The following ZNF614 variants were observed in gnomAD, a reference collection of about 807,000 sequenced individuals.
The protein encoded by ZNF614 is zinc finger protein 614.
Under a neutral mutation model 12.8 loss-of-function variants are expected in ZNF614, and 11 were observed. The ratio of observed to expected loss-of-function variants is 0.86; its 90% CI spans 0.54 to 1.43. The LOEUF (loss-of-function observed/expected upper bound fraction) is 1.43, where lower values mean the gene tolerates loss of function less well. ZNF614 is among the 40% of genes most tolerant of loss of function. The pLI is 0.00. For missense variants in ZNF614, 664 were observed against 708.8 expected, an observed-to-expected ratio of 0.94 and a Z score of 0.72; for synonymous variants, 237 against 237.5, an observed-to-expected ratio of 1.00 and a Z score of 0.02.
At chr19:52,026,620 G>A (rs199679869) in intron 1 of ZNF614, among the ~76,000 whole-genome samples, 22 of 152,246 alleles carry the variant, frequency 1.4e-4, no homozygotes, top group South Asian at 8.3e-4. Flanking sequence ...CCCCTACCCC[G>A]ACACCTGTAA....
At chr19:52,025,477 C>G (rs1600040207) in intron 2 of ZNF614, among the ~76,000 whole-genome samples, 1 of 152,214 alleles carries the variant, frequency 6.6e-6, no homozygotes, top group Non-Finnish European at 1.5e-5. Flanking sequence ...GTGTGCACCA[C>G]CACACCCAGC....
At chr19:52,027,090 T>C (rs1297800346) in intron 1 of ZNF614, among the ~76,000 whole-genome samples, 3 of 152,242 alleles carry the variant, frequency 2.0e-5, no homozygotes, top group Non-Finnish European at 4.4e-5. Flanking sequence ...CTCTATACTT[T>C]GTCTCTTATT....
At chr19:52,023,197 A>C (rs1445102363) in intron 2 of ZNF614, among the ~76,000 whole-genome samples, 4 of 148,272 alleles carry the variant, frequency 2.7e-5, no homozygotes, top group East Asian at 4.1e-4. Context: ...GAGATGGAGT[A>C]TCGCTCTGTC....
At position 52,018,408 on chromosome 19, in the gene ZNF614, C is replaced by T. The variant is rs747725576; in HGVS notation, c.102G>A (p.Arg34=). Residue 34 remains arginine, a synonymous_variant, in exon 3 of 5, where the codon CGG becomes CGA. Coordinates refer to ENST00000270649, the MANE Select transcript of ZNF614 (RefSeq NM_025040.4). The stretch of plus-strand genomic sequence containing the variant: ...GGTTATAGTTCTCCACCATCACATC[C>T]CGGTACAGGTTCTTCTGAGCAGTGT... ...LLDTAQKNLY[R]DVMVENYNHL... 1.2e-6 allele frequency: 2 copies of T among 1,614,096 alleles called. No individual in the cohort carries two copies. The highest frequency in any genetic ancestry group is 1.3e-5 in the African/African-American group (1 of 75,000).
At position 52,018,101 on chromosome 19, in the gene ZNF614, AC is replaced by A; in HGVS notation, c.144del (p.Tyr49IlefsTer50). On this transcript the variant is annotated frameshift_variant and splice_region_variant, in exon 4 of 5. Transcript: ENST00000270649. LOFTEE classifies it high-confidence loss of function. The part of the protein sequence containing the change: ...VENYNHLVSL[G>X]YQTSKPDVLS... ...AGTACATCTGGTTTGCTAGTTTGAT[AC>A]CCTGTTCATGAGGAAAGACAAACAC... The A allele has an allele frequency of 2.5e-6, 4 of 1,613,696 alleles. No individual in the cohort carries two copies. Among genetic ancestry groups the A allele is most frequent in the Non-Finnish European group, 3.4e-6 (4 of 1,179,674 alleles).
At chr19:52,026,202 G>A (rs562072925) in intron 1 of ZNF614, among the ~76,000 whole-genome samples, 3 of 152,350 alleles carry the variant, frequency 2.0e-5, no homozygotes, top group South Asian at 2.1e-4. Flanking sequence ...TGCCTCAGAG[G>A]CAGGTGTCTG....
chr19:52,015,463 T>TA lies in ZNF614; in HGVS notation c.*376dup, dbSNP rs1307616279. 1.2e-5 allele frequency: 2 copies of TA among 162,282 alleles called. No homozygotes were observed. Among genetic ancestry groups the TA allele is most frequent in the African/African-American group, 4.8e-5 (2 of 41,640 alleles). 10.1% of individuals were successfully genotyped at this position (162,282 alleles called of 1,614,324 possible). Reference sequence around the variant, plus strand: ...TGAAATCTATGATGAAACCTGATAATAAAGTCTATCTTTCCACAGAAGACT... The same window carrying TA: ...TGAAATCTATGATGAAACCTGATAATAAAAGTCTATCTTTCCACAGAAGACT... On this transcript the variant is annotated 3_prime_UTR_variant, in exon 5 of 5. Coordinates refer to ENST00000270649, the MANE Select transcript of ZNF614 (RefSeq NM_025040.4).
Position 52,016,309 on chromosome 19 carries a change from T to C in ZNF614, c.1289A>G (p.Asn430Ser), listed in dbSNP as rs867328534. The C allele has an allele frequency of 6.2e-7, 1 of 1,613,826 alleles. No homozygotes were observed. Among genetic ancestry groups the C allele is most frequent in the South Asian group, 1.1e-5 (1 of 91,052 alleles). Residue 430 changes from asparagine to serine, a missense_variant, in exon 5 of 5, where the codon AAT becomes AGT. Physicochemically the swap from Asn to Ser is conservative, Grantham distance 46. Coordinates refer to ENST00000270649, the MANE Select transcript of ZNF614 (RefSeq NM_025040.4). The stretch of plus-strand genomic sequence containing the variant: ...TGTGGTGAAGCCTTTACCACATTCA[T>C]TGCATATGTAAGATTTCTCTCCTGT... ...THTGEKSYIC[N>S]ECGKGFTTKR...
In ZNF614 at chr19:52,014,484, T is replaced by C. The variant is rs73576927; in HGVS notation, c.*1356A>G. The C allele has an allele frequency of 0.093, 14,225 of 152,210 alleles. 2,113 individuals are homozygous for C. The highest frequency in any genetic ancestry group is 0.32 in the African/African-American group (13,084 of 41,460). The allele number at this position is 152,210 out of a possible 1,614,324, so 9.4% of individuals were successfully genotyped here. A position where few individuals can be genotyped will look rare whatever the true frequency, so the allele number is the denominator to read the frequency against. On this transcript the variant is annotated 3_prime_UTR_variant, in exon 5 of 5. Coordinates refer to ENST00000270649, the MANE Select transcript of ZNF614 (RefSeq NM_025040.4). ...AAATTCCGAGTTCCCACTGCCCTAC[T>C]CAGGTTTGATAATTTGCTACAGGGC...
Position 52,013,589 on chromosome 19 carries a change from T to C in ZNF614, c.*2251A>G, listed in dbSNP as rs2123113293. ...TATCAATAAAAATTCATATAACTTA[T>C]TTATATAAAATTTATAAAAACCATT... is the stretch of plus-strand genomic sequence containing the variant. On this transcript the variant is annotated 3_prime_UTR_variant, in exon 5 of 5. Transcript: ENST00000270649. 1 of 152,240 alleles carries C rather than the reference T, an allele frequency of 6.6e-6. No individual in the cohort carries two copies. The highest frequency in any genetic ancestry group is 1.9e-4 in the East Asian group (1 of 5,190). The allele number at this position is 152,240 out of a possible 1,614,324, so 9.4% of individuals were successfully genotyped here.
rs200985913 is a variant in ZNF614, at chr19:52,016,140, G to A, written c.1458C>T (p.Thr486=). The change falls in exon 5 of 5, where the codon ACC becomes ACT. Residue 486 remains threonine (T), a synonymous_variant. Coordinates refer to ENST00000270649, the MANE Select transcript of ZNF614 (RefSeq NM_025040.4). The stretch of plus-strand genomic sequence containing the variant: ...TGTGTGAATAGGATTTTCCGCACTC[G>A]GTACATACAAAGGGAGTCTTTCCTG... ...CHTGKTPFVC[T]ECGKSYSHKY... 21 of 1,613,930 alleles carry A rather than the reference G, an allele frequency of 1.3e-5. No homozygotes were observed. Among genetic ancestry groups the A allele is most frequent in the African/African-American group, 8.0e-5 (6 of 74,850 alleles).
At chr19:52,028,098 C>G (rs1600041692) in intron 1 of ZNF614, 144 bp downstream of exon 1, 2 of 152,506 alleles carry the variant, frequency 1.3e-5, no homozygotes, top group East Asian at 3.9e-4. Flanking sequence ...TCCTCAGACT[C>G]TTCATCCCTA....
chr19:52,015,981 A>G lies in ZNF614; in HGVS notation c.1617T>C (p.Tyr539=). 1 of 1,614,208 alleles carries G rather than the reference A, an allele frequency of 6.2e-7. No homozygotes were observed. Among genetic ancestry groups the G allele is most frequent in the South Asian group, 1.1e-5 (1 of 91,086 alleles). The part of the protein sequence containing the change: ...HQRTHTGERP[Y]GCSDCEKAFS... The stretch of plus-strand genomic sequence containing the variant: ...AGGCTTTCTCACAATCACTGCATCC[A>G]TACGGCCTCTCTCCTGTATGCGTTC... The change falls in exon 5 of 5, where the codon TAT becomes TAC. Residue 539 remains tyrosine, a synonymous_variant. Transcript: ENST00000270649.
At chr19:52,021,427 T>C (rs1037466535) in intron 2 of ZNF614, among the ~76,000 whole-genome samples, 4 of 152,166 alleles carry the variant, frequency 2.6e-5, no homozygotes, top group South Asian at 2.1e-4. Flanking sequence ...TAGGTATTAA[T>C]AGACAATGAA....
intron 2 of ZNF614, among the ~76,000 whole-genome samples, chr19:52,021,092 T>C (rs1318896118): frequency 6.6e-6 from 1 of 152,168 alleles, no homozygotes; most frequent in Non-Finnish European, 1.5e-5. Flanking sequence ...ATTTGGCACA[T>C]AGGGGAGGTG....
rs1303479820 is a variant in ZNF614, at chr19:52,017,202, C to T, written c.396G>A (p.Leu132=). 6.2e-7 allele frequency: 1 copy of T among 1,614,124 alleles called. No homozygotes were observed. Among genetic ancestry groups the T allele is most frequent in the Admixed American group, 1.7e-5 (1 of 60,020 alleles). ...PIVQNHDTFD[L]YRKNLKSSLS... ...AACTTGATTTCAAATTTTTTCTGTA[C>T]AAGTCAAATGTATCATGATTTTGCA... Residue 132 remains leucine (L), a synonymous_variant, in exon 5 of 5, where the codon TTG becomes TTA. Coordinates refer to ENST00000270649, the MANE Select transcript of ZNF614 (RefSeq NM_025040.4).
chr19:52,014,584 G>T lies in ZNF614; in HGVS notation c.*1256C>A, dbSNP rs2086885384. The T allele has an allele frequency of 6.6e-6, 1 of 152,170 alleles. No individual in the cohort carries two copies. Among genetic ancestry groups the T allele is most frequent in the South Asian group, 2.1e-4 (1 of 4,828 alleles). The allele number at this position is 152,170 out of a possible 1,614,324, so 9.4% of individuals were successfully genotyped here. A position where few individuals can be genotyped will look rare whatever the true frequency, so the allele number is the denominator to read the frequency against. The stretch of plus-strand genomic sequence containing the variant: ...CGCAAATGAACACTCAAATGAAGAG[G>T]TACATAGAGTAAAGCCTAAAAAGGG... On this transcript the variant is annotated 3_prime_UTR_variant, in exon 5 of 5. Coordinates refer to ENST00000270649, the MANE Select transcript of ZNF614 (RefSeq NM_025040.4).
intron 4 of ZNF614, chr19:52,017,771 G>T: frequency 2.5e-6 from 1 of 403,918 alleles, no homozygotes; most frequent in Non-Finnish European, 4.4e-6. Flanking sequence ...TCAACTCTAC[G>T]ATCCCAGTAT....
rs1463136245 is a variant in ZNF614, at chr19:52,015,724, A to T, written c.*116T>A. On this transcript the variant is annotated 3_prime_UTR_variant, in exon 5 of 5. Transcript: ENST00000270649. Reference sequence around the variant, plus strand: ...GACAGACACACATCTGTCAACAGGCAGCACCATGTTTATGTTCCAATTGGC... The same window carrying T: ...GACAGACACACATCTGTCAACAGGCTGCACCATGTTTATGTTCCAATTGGC... 2.0e-6 allele frequency: 2 copies of T among 980,132 alleles called. No homozygotes were observed. The highest frequency in any genetic ancestry group is 1.6e-5 in the African/African-American group (1 of 61,466). 60.7% of individuals were successfully genotyped at this position (980,132 alleles called of 1,614,324 possible). A position where few individuals can be genotyped will look rare whatever the true frequency, so the allele number is the denominator to read the frequency against.
Sources: gnomAD v4.1 joint callset for allele counts (sites outside exome capture counted in the v4.1 genomes callset) on GRCh38, gnomAD v4.1.1 for gene constraint, MANE v1.5 for transcripts, NCBI Gene and HGNC (gene_info 2026-07-23, HGNC 2026-07-21) for gene names.